GPC1: variants seen among roughly 807,000 people sequenced by gnomAD.
GPC1 encodes the protein glypican 1.
In GPC1, 26 loss-of-function variants were observed where a neutral mutation model predicts 51.5. That is an observed-to-expected ratio of 0.50 (90% CI 0.37 to 0.70). The LOEUF (loss-of-function observed/expected upper bound fraction) is 0.70, where lower values mean the gene tolerates loss of function less well. Ranked by LOEUF, GPC1 falls within the 30% of genes least tolerant of loss-of-function variation. The probability of loss-of-function intolerance (pLI) is 0.00; values close to 1 mark genes in which losing one functional copy is unlikely to be tolerated. For missense variants in GPC1, 775 were observed against 800.5 expected, an observed-to-expected ratio of 0.97 and a Z score of 0.38; for synonymous variants, 380 against 348.3, an observed-to-expected ratio of 1.09 and a Z score of -1.01.
intron 1 of GPC1, among the ~76,000 whole-genome samples, chr2:240,454,277 G>C (rs1001520288): frequency 7.9e-5 from 12 of 152,208 alleles, no homozygotes; most frequent in Admixed American, 1.3e-4. Context: ...TGGGGCAAAA[G>C]TGAGGAAAAG....
chr2:240,454,268 G>A (rs1043101233), intron 1 of GPC1, among the ~76,000 whole-genome samples: 2 of 152,200 alleles, frequency 1.3e-5, no homozygotes, highest in Non-Finnish European at 2.9e-5. Flanking sequence ...CTTAGAGGAT[G>A]GGGCAAAAGT....
At chr2:240,456,981 C>T (rs944838743) in intron 1 of GPC1, among the ~76,000 whole-genome samples, 1 of 152,192 alleles carries the variant, frequency 6.6e-6, no homozygotes, top group Admixed American at 6.5e-5. Context: ...CAAGGCCCTC[C>T]TGGCCCCAGA....
intron 4 of GPC1, 57 bp from the exon 5 acceptor site, chr2:240,464,539 TGACGCCTGCGTGTGCGTGTC>T (rs2151797071): frequency 1.7e-5 from 5 of 287,802 alleles, no homozygotes; most frequent in South Asian, 5.7e-5. Flanking sequence ...GCACACGTGG[TGACGCCTGCGTGTGCGTGTC>T]AACGCCTGTG....
chr2:240,453,016 C>A, intron 1 of GPC1: 1 of 352,338 alleles, frequency 2.8e-6, no homozygotes, highest in Non-Finnish European at 5.6e-6. Context: ...GCCGCCGCTG[C>A]GAAGGGGGTC....
intron 8 of GPC1, 105 bp downstream of exon 8, chr2:240,465,753 C>A: frequency 1.1e-6 from 1 of 916,726 alleles, no homozygotes; most frequent in African/African-American, 1.6e-5. Flanking sequence ...CCCTCTGCTC[C>A]GGCATCACCA....
chr2:240,449,019 C>T (rs1333877059), intron 1 of GPC1, among the ~76,000 whole-genome samples: 3 of 152,074 alleles, frequency 2.0e-5, no homozygotes, highest in Non-Finnish European at 4.4e-5. Context: ...AGTCTGAGAC[C>T]TGGGGGGGAA....
intron 1 of GPC1, chr2:240,454,841 G>C (rs1419475336): frequency 5.9e-6 from 1 of 169,042 alleles, no homozygotes; most frequent in Non-Finnish European, 1.4e-5. Flanking sequence ...CAGAGCCACT[G>C]GTCACGGGCA....
At chr2:240,456,125 C>T (rs1365368191) in intron 1 of GPC1, 1 of 278,634 alleles carries the variant, frequency 3.6e-6, no homozygotes, top group Non-Finnish European at 7.2e-6. Context: ...GGCGAGTTGG[C>T]CGGGCGGGGC....
intron 1 of GPC1, among the ~76,000 whole-genome samples, chr2:240,436,323 C>T (rs1047973309): frequency 6.6e-6 from 1 of 152,078 alleles, no homozygotes; most frequent in African/African-American, 2.4e-5. Flanking sequence ...CGTCCTCCGC[C>T]CCTCCCCGCC....
In GPC1 at chr2:240,435,813, C is replaced by T; in HGVS notation, c.-106C>T. The stretch of plus-strand genomic sequence containing the variant: ...CGCCGCCTCTGGACCGCGAGCCGCG[C>T]GCGCCGGGACCTTGGCTCTGCCCTT... On this transcript the variant is annotated 5_prime_UTR_variant, in exon 1 of 9. Coordinates refer to ENST00000264039, the MANE Select transcript of GPC1 (RefSeq NM_002081.3). The T allele has an allele frequency of 2.8e-5, 20 of 720,998 alleles. No homozygotes were observed. The highest frequency in any genetic ancestry group is 3.6e-5 in the Non-Finnish European group (19 of 532,476). 44.7% of individuals were successfully genotyped at this position (720,998 alleles called of 1,614,324 possible). A position where few individuals can be genotyped will look rare whatever the true frequency, so the allele number is the denominator to read the frequency against.
chr2:240,450,302 G>A, intron 1 of GPC1: 2 of 334,062 alleles, frequency 6.0e-6, no homozygotes, highest in Non-Finnish European at 1.2e-5. Flanking sequence ...GGCTCAGCAG[G>A]GCTTGTCAGC....
In GPC1 at chr2:240,463,463, C is replaced by G. The variant is rs755918388; in HGVS notation, c.834C>G (p.Gly278=). 58 of 1,612,914 alleles carry G rather than the reference C, an allele frequency of 3.6e-5. No individual in the cohort carries two copies. Among genetic ancestry groups the G allele is most frequent in the Non-Finnish European group, 4.7e-5 (56 of 1,179,950 alleles). The change falls in exon 4 of 9, where the codon GGC becomes GGG. Residue 278 remains glycine (G), a synonymous_variant. Transcript: ENST00000264039. ...ACTATTGCCGAAATGTGCTCAAGGG[C>G]TGCCTTGCCAACCAGGCCGACCTGG... The part of the protein sequence containing the change: ...CPDYCRNVLK[G]CLANQADLDA...
intron 1 of GPC1, among the ~76,000 whole-genome samples, chr2:240,438,555 T>C (rs867936128): frequency 1.8e-4 from 28 of 152,270 alleles, no homozygotes; most frequent in Middle Eastern, 3.4e-3. Flanking sequence ...GGGGACCTCC[T>C]CAGAGGGAAT....
At chr2:240,450,821 G>A (rs866433667) in intron 1 of GPC1, 1 of 467,770 alleles carries the variant, frequency 2.1e-6, no homozygotes, top group South Asian at 1.6e-5. Context: ...TGGGTGCCAG[G>A]TAGGGAGGCA....
At chr2:240,453,872 G>A (rs1393013483) in intron 1 of GPC1, among the ~76,000 whole-genome samples, 1 of 152,144 alleles carries the variant, frequency 6.6e-6, no homozygotes, top group Non-Finnish European at 1.5e-5. Flanking sequence ...CGCCGGGGCC[G>A]GTTTCACGCC....
intron 1 of GPC1, chr2:240,449,930 A>G (rs536604940): frequency 2.1e-6 from 1 of 469,900 alleles, no homozygotes; most frequent in East Asian, 6.9e-5. Context: ...ACCTACAGAC[A>G]GTTTGTGGAA....
rs1362170250 is a variant in GPC1, at chr2:240,464,878, C to G, written c.1037C>G (p.Pro346Arg). The G allele has an allele frequency of 1.9e-6, 3 of 1,554,668 alleles. No individual in the cohort carries two copies. The Admixed American group carries it at 5.8e-5, about 30-fold the overall frequency. Residue 346 changes from proline (P) to arginine (R), a missense_variant, in exon 6 of 9, where the codon CCC becomes CGC. Pro to Arg is a moderately radical substitution (Grantham distance 103, BLOSUM62 -2). Coordinates refer to ENST00000264039, the MANE Select transcript of GPC1 (RefSeq NM_002081.3). ...TAKVIQGCGNPKVNPQGPGPE... is the reference protein window; with the variant it reads ...TAKVIQGCGNRKVNPQGPGPE... ...CAGGTCATCCAGGGCTGCGGGAACCCCAAGGTCAACCCCCAGGGCCCCGGG... is the reference window on the plus strand; with the variant it reads ...CAGGTCATCCAGGGCTGCGGGAACCGCAAGGTCAACCCCCAGGGCCCCGGG...
intron 1 of GPC1, chr2:240,456,174 TGCGCGGCC>T (rs2074160530): frequency 3.8e-6 from 1 of 259,808 alleles, no homozygotes; most frequent in Non-Finnish European, 7.6e-6. Context: ...CGGGGGCCGG[TGCGCGGCC>T]GTGAGGGGGT....
intron 2 of GPC1, among the ~76,000 whole-genome samples, chr2:240,459,411 G>A (rs2074198395): frequency 6.6e-6 from 1 of 152,196 alleles, no homozygotes; most frequent in Non-Finnish European, 1.5e-5. Flanking sequence ...CCCTGGGAGT[G>A]TGCACAGCCC....
Sources: allele counts gnomAD v4.1 joint callset (sites outside exome capture counted in the v4.1 genomes callset), GRCh38; gene constraint gnomAD v4.1.1; transcripts MANE v1.5; gene names NCBI Gene and HGNC (gene_info 2026-07-23, HGNC 2026-07-21).